The following PLAGL1 variants were observed in gnomAD, a reference collection of about 807,000 sequenced individuals.
The protein encoded by PLAGL1 is zinc finger protein PLAGL1.
A neutral mutation model predicts 4.6 loss-of-function variants in PLAGL1; 1 was observed. The observed-to-expected ratio is 0.22, with a 90% CI of 0.08 to 1.03. PLAGL1 has a LOEUF of 1.03. PLAGL1 is among the 50% of genes least tolerant of loss of function. The pLI is 0.58. For missense variants in PLAGL1, 464 were observed against 570.4 expected (o/e 0.81, Z 1.90); for synonymous variants, 240 against 237.8 (o/e 1.01, Z -0.08).
At chr6:143,998,286 C>T (rs1792111320) in intron 1 of PLAGL1, among the ~76,000 whole-genome samples, 1 of 152,138 alleles carries the variant, frequency 6.6e-6, no homozygotes, top group Admixed American at 6.5e-5. Flanking sequence ...ATGTCATTTT[C>T]AGTGTGTGTT....
chr6:144,052,256 C>T (rs1050524950), intron 1 of PLAGL1, among the ~76,000 whole-genome samples: 3 of 152,144 alleles, frequency 2.0e-5, no homozygotes, highest in Non-Finnish European at 2.9e-5. Flanking sequence ...GAAAAGACTA[C>T]CACCAAAGAA....
At chr6:144,007,923 G>C (rs1184672142) in intron 1 of PLAGL1, 167 bp downstream of exon 1, 1 of 152,078 alleles carries the variant, frequency 6.6e-6, no homozygotes, top group Non-Finnish European at 1.5e-5. Context: ...GACGATCTGC[G>C]GGGTCCCGCA....
Position 143,965,645 on chromosome 6 carries a change from GAT to G in PLAGL1, c.-431+511_-431+512del, listed in dbSNP as rs1414812034. On this transcript the variant is annotated intron_variant, in intron 4 of 7. Coordinates refer to ENST00000674357, the MANE Select transcript of PLAGL1 (RefSeq NM_001317162.2). The surrounding 1 kb of genome is among the most constrained non-coding windows in gnomAD (Gnocchi z 7.5). ...CGCTGTGTTAAATTGTACCCAAGAA[GAT>G]AACTCACAAGGCAAGGAACACGGAA... 3 of 152,212 alleles carry G rather than the reference GAT, an allele frequency of 2.0e-5. No individual in the cohort carries two copies. The highest frequency in any genetic ancestry group is 7.2e-5 in the African/African-American group (3 of 41,422). The allele number at this position is 152,212 out of a possible 1,614,324, so 9.4% of individuals were successfully genotyped here.
rs1219179598 is a variant in PLAGL1, at chr6:144,022,095, A to G, written c.-151+42373T>C. Among the ~76,000 whole-genome samples the G allele has an allele frequency of 6.6e-6, 1 of 152,224 alleles. No homozygotes were observed. The highest frequency in any genetic ancestry group is 1.5e-5 in the Non-Finnish European group (1 of 68,036). On this transcript the variant is annotated intron_variant, in intron 1 of 3. Transcript: ENST00000437412. This position sits in a 1 kb window ranked among gnomAD's most constrained non-coding sequence, Gnocchi z 4.2. ...CACCAAAAGAATTTTTTAAAAACCA[A>G]CATTCCAAAGACAAACCACAGATTG...
At position 143,958,591 on chromosome 6, in the gene PLAGL1, C is replaced by G. The variant is rs1782676500; in HGVS notation, c.-325+1878G>C. On this transcript the variant is annotated intron_variant, in intron 6 of 7. Transcript: ENST00000674357. This position sits in a 1 kb window ranked among gnomAD's most constrained non-coding sequence, Gnocchi z 5.1. ...ATTTCAAGAAGCTTGAGAATTTTCTCTTTGCCTTTCCATGTCATGTCCAAT... is the reference window on the plus strand; with the variant it reads ...ATTTCAAGAAGCTTGAGAATTTTCTGTTTGCCTTTCCATGTCATGTCCAAT... 6.6e-6 allele frequency among the ~76,000 whole-genome samples: 1 copy of G among 152,186 alleles called. No individual in the cohort carries two copies. The highest frequency in any genetic ancestry group is 6.5e-5 in the Admixed American group (1 of 15,288).
chr6:144,034,858 C>A lies in PLAGL1; in HGVS notation c.-151+29610G>T, dbSNP rs1797103853. Among the ~76,000 whole-genome samples the A allele has an allele frequency of 6.6e-6, 1 of 152,136 alleles. No homozygotes were observed. Among genetic ancestry groups the A allele is most frequent in the South Asian group, 2.1e-4 (1 of 4,828 alleles). ...ACAAAGCATCAGCTTTGTTTAACAT[C>A]ACTGAGTAGACTAATACTCCTCCCA... On this transcript the variant is annotated intron_variant, in intron 1 of 3. Coordinates refer to the PLAGL1 transcript ENST00000437412. The surrounding 1 kb of genome is among the most constrained non-coding windows in gnomAD (Gnocchi z 4.7).
At chr6:144,060,066 T>TTTTTTTTTTTTTGAGACGG (rs1562622602) in intron 1 of PLAGL1, among the ~76,000 whole-genome samples, 1 of 151,520 alleles carries the variant, frequency 6.6e-6, no homozygotes, top group African/African-American at 2.4e-5. Context: ...TTTTTTTTTT[T>TTTTTTTTTTTTTGAGACGG]AAATAGGGTC....
At position 144,048,540 on chromosome 6, in the gene PLAGL1, T is replaced by C. The variant is rs998148290; in HGVS notation, c.-151+15928A>G. On this transcript the variant is annotated intron_variant, in intron 1 of 3. Transcript: ENST00000437412. This position sits in a 1 kb window ranked among gnomAD's most constrained non-coding sequence, Gnocchi z 4.8. ...GTGCACCCTCAGACCCAACACTATA[T>C]GGAAGCCTCCAAGGCTTACAGCTTG... Among the ~76,000 whole-genome samples, 2 of 152,208 alleles carry C rather than the reference T, an allele frequency of 1.3e-5. No individual in the cohort carries two copies. The highest frequency in any genetic ancestry group is 2.4e-5 in the African/African-American group (1 of 41,452).
At chr6:144,019,408 G>T (rs1290847545) in intron 1 of PLAGL1, among the ~76,000 whole-genome samples, 1 of 152,122 alleles carries the variant, frequency 6.6e-6, no homozygotes, top group East Asian at 1.9e-4. Context: ...GGAGGCGGAG[G>T]TTGCAATGAG....
In PLAGL1 at chr6:143,952,529, C is replaced by G. The variant is rs1781287382; in HGVS notation, c.-324-4069G>C. Among the ~76,000 whole-genome samples the G allele has an allele frequency of 6.6e-6, 1 of 152,184 alleles. No homozygotes were observed. The highest frequency in any genetic ancestry group is 1.5e-5 in the Non-Finnish European group (1 of 68,012). On this transcript the variant is annotated intron_variant, in intron 6 of 7. Transcript: ENST00000674357. The surrounding 1 kb of genome is among the most constrained non-coding windows in gnomAD (Gnocchi z 6.1). ...GGCTTGTGCCATCTGCTTCGTTCTG[C>G]TCATGTTGATTATTTTGGGGATGAG...
At chr6:144,018,804 G>A (rs573819625) in intron 1 of PLAGL1, among the ~76,000 whole-genome samples, 2 of 152,210 alleles carry the variant, frequency 1.3e-5, no homozygotes, top group Non-Finnish European at 2.9e-5. Context: ...CATCACATAT[G>A]TAGTATTCCT....
chr6:144,022,960 A>G lies in PLAGL1; in HGVS notation c.-151+41508T>C, dbSNP rs902729677. On this transcript the variant is annotated intron_variant, in intron 1 of 3. Transcript: ENST00000437412. This position sits in a 1 kb window ranked among gnomAD's most constrained non-coding sequence, Gnocchi z 4.2. ...ATGAATATTTATAGCAGCTTTACTCATAATTGCCAAAAACTGGGAGCAACC... is the reference window on the plus strand; with the variant it reads ...ATGAATATTTATAGCAGCTTTACTCGTAATTGCCAAAAACTGGGAGCAACC... Among the ~76,000 whole-genome samples, 4 of 152,232 alleles carry G rather than the reference A, an allele frequency of 2.6e-5. No individual in the cohort carries two copies. Among genetic ancestry groups the G allele is most frequent in the Non-Finnish European group, 5.9e-5 (4 of 68,034 alleles).
In PLAGL1 at chr6:143,966,759, G is replaced by A. The variant is rs972111236; in HGVS notation, c.-471-561C>T. The A allele has an allele frequency of 3.9e-5, 6 of 152,120 alleles. No homozygotes were observed. Among genetic ancestry groups the A allele is most frequent in the Non-Finnish European group, 7.3e-5 (5 of 68,030 alleles). The allele number at this position is 152,120 out of a possible 1,614,324, so 9.4% of individuals were successfully genotyped here. On this transcript the variant is annotated intron_variant, in intron 3 of 7. Coordinates refer to ENST00000674357, the MANE Select transcript of PLAGL1 (RefSeq NM_001317162.2). This position sits in a 1 kb window ranked among gnomAD's most constrained non-coding sequence, Gnocchi z 6.0. ...TTCTAGCATTTTAAACATTGATAGA[G>A]AAATTATTTTCTTTTCTAATTTTAA...
intron 1 of PLAGL1, among the ~76,000 whole-genome samples, chr6:144,054,125 T>C (rs1456402121): frequency 6.6e-6 from 1 of 150,866 alleles, no homozygotes; most frequent in African/African-American, 2.5e-5. Context: ...ACCACATGCA[T>C]GAAATTATAA....
chr6:144,058,086 A>C (rs974352843), intron 1 of PLAGL1, among the ~76,000 whole-genome samples: 9 of 152,180 alleles, frequency 5.9e-5, no homozygotes, highest in Non-Finnish European at 8.8e-5. Flanking sequence ...ATTTACAAAG[A>C]AAAGAGGTTT....
In PLAGL1 at chr6:143,964,166, A is replaced by C. The variant is rs1211137545; in HGVS notation, c.-399+621T>G. Reference sequence around the variant, plus strand: ...CTGGCACCCCTCTGTTCCCTAAGGCAATGAGTAGAATCCTTGAGAAGACAG... The same window carrying C: ...CTGGCACCCCTCTGTTCCCTAAGGCCATGAGTAGAATCCTTGAGAAGACAG... On this transcript the variant is annotated intron_variant, in intron 5 of 7. Coordinates refer to ENST00000674357, the MANE Select transcript of PLAGL1 (RefSeq NM_001317162.2). This position sits in a 1 kb window ranked among gnomAD's most constrained non-coding sequence, Gnocchi z 4.3. Among the ~76,000 whole-genome samples the C allele has an allele frequency of 1.3e-5, 2 of 152,074 alleles. No homozygotes were observed. Among genetic ancestry groups the C allele is most frequent in the African/African-American group, 4.8e-5 (2 of 41,420 alleles).
chr6:144,023,083 C>T (rs577711324), intron 1 of PLAGL1, among the ~76,000 whole-genome samples: 49 of 152,292 alleles, frequency 3.2e-4, no homozygotes, highest in African/African-American at 1.2e-3. Context: ...ATTCATGCAA[C>T]ACCATGGAAG....
chr6:143,994,297 T>C lies in PLAGL1; in HGVS notation c.-583-9123A>G, dbSNP rs764008308. ...GTCAGAAAAACGAGGAATTTTCCTA[T>C]ATATTGTAAATTTTAAGACTTCACA... On this transcript the variant is annotated intron_variant, in intron 1 of 7. Transcript: ENST00000674357. The surrounding 1 kb of genome is among the most constrained non-coding windows in gnomAD (Gnocchi z 4.3). Among the ~76,000 whole-genome samples the C allele has an allele frequency of 6.6e-5, 10 of 152,234 alleles. No individual in the cohort carries two copies. The highest frequency in any genetic ancestry group is 1.3e-4 in the Non-Finnish European group (9 of 68,038).
chr6:143,991,110 G>A (rs1407740562), intron 1 of PLAGL1, among the ~76,000 whole-genome samples: 1 of 152,182 alleles, frequency 6.6e-6, no homozygotes, highest in East Asian at 1.9e-4. Context: ...TCTGACAGAT[G>A]TGACATTGTC....
Sources: allele counts gnomAD v4.1 joint callset (sites outside exome capture counted in the v4.1 genomes callset), GRCh38; gene constraint gnomAD v4.1.1; non-coding constraint Gnocchi (gnomAD v3.1); transcripts MANE v1.5; gene names NCBI Gene and HGNC (gene_info 2026-07-23, HGNC 2026-07-21).